RBMS1: variants seen among roughly 807,000 people sequenced by gnomAD.
The protein encoded by RBMS1 is RNA binding motif single stranded interacting protein 1, also known as RNA-binding motif, single-stranded-interacting protein 1.
A neutral mutation model predicts 62.3 loss-of-function variants in RBMS1; 17 were observed. That is an observed-to-expected ratio of 0.27 (90% CI 0.19 to 0.41). The LOEUF (loss-of-function observed/expected upper bound fraction) is 0.41. Ranked by LOEUF, RBMS1 falls within the 10% of genes least tolerant of loss-of-function variation. The pLI is 1.00. For missense variants in RBMS1, 334 were observed against 504.5 expected (o/e 0.66, Z 3.24); for synonymous variants, 172 against 170.0 (o/e 1.01, Z -0.09).
At chr2:160,489,085 T>C (rs528361522) in intron 1 of RBMS1, among the ~76,000 whole-genome samples, 7 of 152,298 alleles carry the variant, frequency 4.6e-5, no homozygotes, top group African/African-American at 1.7e-4. Context: ...CCTTTTCCCT[T>C]CAAGGAACTT....
At chr2:160,486,662 C>A (rs1255448029) in intron 1 of RBMS1, among the ~76,000 whole-genome samples, 1 of 152,054 alleles carries the variant, frequency 6.6e-6, no homozygotes, top group African/African-American at 2.4e-5. Flanking sequence ...AGGTGAATAT[C>A]TTATTTTGAA....
chr2:160,436,492 A>T (rs923947979), intron 1 of RBMS1, among the ~76,000 whole-genome samples: 6 of 152,260 alleles, frequency 3.9e-5, no homozygotes, highest in African/African-American at 1.4e-4. Context: ...CTGCCCCTCC[A>T]AATTCCTGAG....
intron 1 of RBMS1, among the ~76,000 whole-genome samples, chr2:160,372,642 AG>A (rs945442362): frequency 1.3e-5 from 2 of 152,224 alleles, no homozygotes; most frequent in Non-Finnish European, 2.9e-5. Context: ...AAAAGGAATG[AG>A]GGGGGCCCCC....
At chr2:160,457,956 G>GT (rs757674142) in intron 1 of RBMS1, among the ~76,000 whole-genome samples, 1 of 28,170 alleles carries the variant, frequency 3.5e-5, no homozygotes, top group Admixed American at 6.3e-4. Context: ...TGGTTTGTTT[G>GT]TTGTTGTTGT....
At chr2:160,367,112 C>A in intron 2 of RBMS1, 104 bp downstream of exon 2, 1 of 1,176,916 alleles carries the variant, frequency 8.5e-7, no homozygotes, top group Non-Finnish European at 1.2e-6. Flanking sequence ...TGAGAGTCCA[C>A]AGATACTTCT....
chr2:160,314,386 A>T (rs1690098009), intron 3 of RBMS1, among the ~76,000 whole-genome samples: 1 of 152,198 alleles, frequency 6.6e-6, no homozygotes, highest in South Asian at 2.1e-4. Context: ...TGCAAAAGAA[A>T]AGCATCATTG....
intron 1 of RBMS1, among the ~76,000 whole-genome samples, chr2:160,460,209 T>C (rs936325593): frequency 2.0e-5 from 3 of 152,040 alleles, no homozygotes; most frequent in Non-Finnish European, 4.4e-5. Context: ...TTGTGGGGAA[T>C]AGGGAGTTGA....
intron 1 of RBMS1, among the ~76,000 whole-genome samples, chr2:160,376,409 A>G (rs1386966979): frequency 6.6e-6 from 1 of 152,232 alleles, no homozygotes; most frequent in Non-Finnish European, 1.5e-5. Flanking sequence ...AATAACTTAA[A>G]AACATAAAAT....
chr2:160,444,254 T>C (rs954642834), intron 1 of RBMS1, among the ~76,000 whole-genome samples: 3 of 152,300 alleles, frequency 2.0e-5, no homozygotes, highest in Middle Eastern at 3.4e-3. Flanking sequence ...TTTAAGCATC[T>C]ATCAAGATTC....
intron 1 of RBMS1, among the ~76,000 whole-genome samples, chr2:160,486,231 G>A (rs771705789): frequency 6.6e-6 from 1 of 152,148 alleles, no homozygotes; most frequent in East Asian, 1.9e-4. Context: ...TAATATAAAT[G>A]TAAGCTCATA....
chr2:160,290,911 T>TC (rs534363441), intron 6 of RBMS1, among the ~76,000 whole-genome samples: 33 of 152,332 alleles, frequency 2.2e-4, no homozygotes, highest in African/African-American at 7.0e-4. Context: ...GACTGTGAGC[T>TC]CCATGGATAA....
At chr2:160,365,877 G>A (rs865803784) in intron 2 of RBMS1, among the ~76,000 whole-genome samples, 1 of 152,226 alleles carries the variant, frequency 6.6e-6, no homozygotes, top group African/African-American at 2.4e-5. Context: ...TTGAACAGCT[G>A]CAATAGGGCA....
At chr2:160,288,711 G>C (rs1688531233) in intron 6 of RBMS1, among the ~76,000 whole-genome samples, 1 of 152,304 alleles carries the variant, frequency 6.6e-6, no homozygotes, top group South Asian at 2.1e-4. Flanking sequence ...TAATCTCGTA[G>C]AGCAAGAGAG....
At chr2:160,315,680 G>A (rs1397868666) in intron 3 of RBMS1, among the ~76,000 whole-genome samples, 2 of 152,130 alleles carry the variant, frequency 1.3e-5, no homozygotes, top group Admixed American at 6.5e-5. Context: ...GGTCTTACAT[G>A]CACTTCTGTA....
intron 1 of RBMS1, among the ~76,000 whole-genome samples, chr2:160,481,088 A>AG (rs1685350484): frequency 6.6e-6 from 1 of 151,780 alleles, no homozygotes; most frequent in East Asian, 1.9e-4. Context: ...TAAAAAAAAA[A>AG]AAAAAAAAAA....
intron 1 of RBMS1, among the ~76,000 whole-genome samples, chr2:160,416,690 T>A (rs1696224867): frequency 6.6e-6 from 1 of 151,692 alleles, no homozygotes; most frequent in South Asian, 2.1e-4. Flanking sequence ...AAATATAGAA[T>A]TTCAGAGGTG....
chr2:160,418,620 C>A (rs1422318034), intron 1 of RBMS1, among the ~76,000 whole-genome samples: 1 of 152,174 alleles, frequency 6.6e-6, no homozygotes, highest in African/African-American at 2.4e-5. Context: ...TGCATTTCCT[C>A]TTCTTCCATA....
Position 160,407,635 on chromosome 2 carries a change from C to T in RBMS1, c.76-40244G>A, listed in dbSNP as rs897111740. 42 of 981,776 alleles carry T rather than the reference C, an allele frequency of 4.3e-5. No individual in the cohort carries two copies. In the African/African-American group the frequency reaches 6.9e-4, roughly 16 times the overall value. 60.8% of individuals were successfully genotyped at this position (981,776 alleles called of 1,614,324 possible). On this transcript the variant is annotated intron_variant, in intron 1 of 13. Coordinates refer to ENST00000348849, the MANE Select transcript of RBMS1 (RefSeq NM_016836.4). ...AGGTGGCCGGCCGGGCCCGGGGCCG[C>T]GGCAGCTCTGGGAACTCCCTCTCGC...
intron 3 of RBMS1, among the ~76,000 whole-genome samples, chr2:160,316,544 T>A (rs906230854): frequency 6.6e-6 from 1 of 152,204 alleles, no homozygotes; most frequent in African/African-American, 2.4e-5. Flanking sequence ...AGATTTAGCA[T>A]TAGTTTATTT....
Sources: allele counts gnomAD v4.1 joint callset (sites outside exome capture counted in the v4.1 genomes callset), GRCh38; gene constraint gnomAD v4.1.1; transcripts MANE v1.5; gene names NCBI Gene and HGNC (gene_info 2026-07-23, HGNC 2026-07-21).